Variants in LCK observed in about 807,000 individuals in gnomAD.
The protein encoded by LCK is tyrosine-protein kinase Lck.
A neutral mutation model predicts 64.6 loss-of-function variants in LCK; 14 were observed. The ratio of observed to expected loss-of-function variants is 0.22; its 90% CI spans 0.14 to 0.34. The LOEUF is 0.34. LCK is among the 10% of genes least tolerant of loss of function. LCK has a pLI of 1.00. For missense variants in LCK, 434 were observed against 668.1 expected (o/e 0.65, Z 3.86); for synonymous variants, 277 against 263.6 (o/e 1.05, Z -0.49).
At chr1:32,261,240 A>ATTTTTT (rs533208515) in intron 1 of LCK, among the ~76,000 whole-genome samples, 3 of 106,092 alleles carry the variant, frequency 2.8e-5, no homozygotes, top group Non-Finnish European at 3.7e-5. Flanking sequence ...TGCTTGGCTA[A>ATTTTTT]TTTTTTTTTT....
At chr1:32,258,803 C>CA (rs58703501) in intron 1 of LCK, among the ~76,000 whole-genome samples, 1,761 of 59,900 alleles carry the variant, frequency 0.029, 36 homozygotes, top group Admixed American at 0.092. Flanking sequence ...GACTCCGTCT[C>CA]AAAAAAAAAA....
At chr1:32,264,525 T>G (rs1432223268) in intron 1 of LCK, among the ~76,000 whole-genome samples, 2 of 152,060 alleles carry the variant, frequency 1.3e-5, no homozygotes, top group African/African-American at 2.4e-5. Context: ...ATATGAGTTT[T>G]GCATCTGCCA....
At chr1:32,283,756 T>C (rs1029090219) in intron 12 of LCK, among the ~76,000 whole-genome samples, 6 of 152,202 alleles carry the variant, frequency 3.9e-5, no homozygotes, top group African/African-American at 1.4e-4. Flanking sequence ...CAGGATGTCA[T>C]GTGCCTGGTC....
chr1:32,274,583 G>C (rs574068480), intron 2 of LCK, 149 bp downstream of exon 2: 2 of 891,432 alleles, frequency 2.2e-6, no homozygotes, highest in Non-Finnish European at 3.4e-6. Flanking sequence ...GAGAGGGGAA[G>C]GGAATCTCCT....
In LCK at chr1:32,286,061, TTCC is replaced by T; in HGVS notation, c.*348_*350del. 2.6e-6 allele frequency: 1 copy of T among 386,832 alleles called. No homozygotes were observed. The highest frequency in any genetic ancestry group is 4.8e-6 in the Non-Finnish European group (1 of 207,652). 24.0% of individuals were successfully genotyped at this position (386,832 alleles called of 1,614,324 possible). On this transcript the variant is annotated 3_prime_UTR_variant, in exon 13 of 13. Transcript: ENST00000336890. ...TTTCTTTCCTCAGATCATCCAGAAG[TTCC>T]TCAAGGGCCAGGACTTTATCTAATA...
chr1:32,254,507 G>C (rs1394942523), intron 1 of LCK, among the ~76,000 whole-genome samples: 2 of 151,896 alleles, frequency 1.3e-5, no homozygotes, highest in Non-Finnish European at 1.5e-5. Flanking sequence ...GGTTTTTTTG[G>C]TTTGTTTGTT....
Position 32,275,688 on chromosome 1 carries a change from TCTCGACCGG to T in LCK, c.481+17_481+25del, listed in dbSNP as rs1640241641. 1 of 1,550,738 alleles carries T rather than the reference TCTCGACCGG, an allele frequency of 6.4e-7. No individual in the cohort carries two copies. The highest frequency in any genetic ancestry group is 1.9e-5 in the Admixed American group (1 of 51,494). On this transcript the variant is annotated intron_variant, in intron 6 of 12. Transcript: ENST00000336890. This position sits in a 1 kb window ranked among gnomAD's most constrained non-coding sequence, Gnocchi z 6.9. ...AGCACCGCGGGTGAGCGGGCGGCGGTCTCGACCGGGCGCGGGGGTGCCCCGGGGTGTGCC... is the reference window on the plus strand; with the variant it reads ...AGCACCGCGGGTGAGCGGGCGGCGGTGCGCGGGGGTGCCCCGGGGTGTGCC...
intron 12 of LCK, among the ~76,000 whole-genome samples, chr1:32,283,645 C>G (rs1054088821): frequency 9.9e-5 from 15 of 152,146 alleles, no homozygotes; most frequent in African/African-American, 3.4e-4. Context: ...GGAACCAGCC[C>G]AAAGACTATT....
At chr1:32,253,503 C>T (rs1005234763) in intron 1 of LCK, among the ~76,000 whole-genome samples, 24 of 152,096 alleles carry the variant, frequency 1.6e-4, no homozygotes, top group Non-Finnish European at 3.2e-4. Context: ...AGGATGGTTT[C>T]GATCTCCTGA....
intron 1 of LCK, among the ~76,000 whole-genome samples, chr1:32,260,766 C>T (rs1305476344): frequency 2.0e-5 from 3 of 151,854 alleles, no homozygotes; most frequent in South Asian, 4.2e-4. Context: ...GGACTACAGG[C>T]GTGCACCACC....
intron 1 of LCK, among the ~76,000 whole-genome samples, chr1:32,254,002 C>T (rs1639571497): frequency 6.6e-6 from 1 of 152,122 alleles, no homozygotes; most frequent in Non-Finnish European, 1.5e-5. Flanking sequence ...GAGCTGATGG[C>T]TTCAAGGCCA....
chr1:32,265,875 A>G (rs1232347037), intron 1 of LCK, among the ~76,000 whole-genome samples: 1 of 151,662 alleles, frequency 6.6e-6, no homozygotes, highest in Non-Finnish European at 1.5e-5. Flanking sequence ...GAGTCTTGCT[A>G]CGTTGCCCAG....
chr1:32,254,908 G>T (rs554168056), intron 1 of LCK, among the ~76,000 whole-genome samples: 7 of 152,282 alleles, frequency 4.6e-5, no homozygotes, highest in Admixed American at 2.0e-4. Flanking sequence ...TAGCACTTTG[G>T]GGGGCCGTGA....
chr1:32,284,374 T>G (rs1041249395), intron 12 of LCK, among the ~76,000 whole-genome samples: 2 of 150,364 alleles, frequency 1.3e-5, no homozygotes, highest in African/African-American at 4.9e-5. Flanking sequence ...TTTTTAATTT[T>G]TTTGAGACAA....
chr1:32,260,279 G>A (rs2124313869), intron 1 of LCK, among the ~76,000 whole-genome samples: 1 of 152,158 alleles, frequency 6.6e-6, no homozygotes, highest in Non-Finnish European at 1.5e-5. Flanking sequence ...CCAAAGTGTT[G>A]GGGTTACAGG....
At chr1:32,264,049 C>T (rs1639851755) in intron 1 of LCK, among the ~76,000 whole-genome samples, 1 of 152,114 alleles carries the variant, frequency 6.6e-6, no homozygotes, top group South Asian at 2.1e-4. Context: ...TTATATATCC[C>T]TCTGCACACA....
At chr1:32,279,818 G>T in intron 10 of LCK, 23 bp from the exon 11 acceptor site, 1 of 1,613,632 alleles carries the variant, frequency 6.2e-7, no homozygotes, top group South Asian at 1.1e-5. Flanking sequence ...GCTCAGGACC[G>T]CTGATCTGTG....
chr1:32,264,155 T>C (rs1243447665), intron 1 of LCK, among the ~76,000 whole-genome samples: 1 of 151,968 alleles, frequency 6.6e-6, no homozygotes, highest in Non-Finnish European at 1.5e-5. Flanking sequence ...GGCAGGTAAA[T>C]ATATACCCAG....
intron 1 of LCK, among the ~76,000 whole-genome samples, chr1:32,254,498 G>T (rs892871511): frequency 2.0e-5 from 3 of 152,052 alleles, no homozygotes; most frequent in East Asian, 1.9e-4. Flanking sequence ...GTTTTGTGGG[G>T]TTTTTTTGGT....
Sources: allele counts gnomAD v4.1 joint callset (sites outside exome capture counted in the v4.1 genomes callset), GRCh38; gene constraint gnomAD v4.1.1; non-coding constraint Gnocchi (gnomAD v3.1); transcripts MANE v1.5; gene names NCBI Gene and HGNC (gene_info 2026-07-23, HGNC 2026-07-21).